The following ATXN1 variants were observed in gnomAD, a reference collection of about 807,000 sequenced individuals.
The protein encoded by ATXN1 is ataxin 1, also known as ataxin-1.
In ATXN1, 8 loss-of-function variants were observed where a neutral mutation model predicts 56.4. The ratio of observed to expected loss-of-function variants is 0.14; its 90% confidence interval spans 0.08 to 0.26. ATXN1 has a LOEUF of 0.26. Among genes scored for constraint, ATXN1 ranks in the 10% least tolerant of loss-of-function variants. The pLI is 1.00. For synonymous variants in ATXN1, 514 were observed against 494.6 expected (o/e 1.04, Z -0.52); for missense variants, 987 against 1,106.5 (o/e 0.89, Z 1.53).
intron 2 of ATXN1, among the ~76,000 whole-genome samples, chr6:16,660,812 A>G (rs1435528011): frequency 6.6e-6 from 1 of 151,594 alleles, no homozygotes; most frequent in Non-Finnish European, 1.5e-5. Context: ...TCAGGGAAAA[A>G]AGAGGTTTAT....
intron 2 of ATXN1, among the ~76,000 whole-genome samples, chr6:16,719,567 A>T (rs1232341688): frequency 1.3e-5 from 2 of 152,256 alleles, no homozygotes; most frequent in South Asian, 4.1e-4. Context: ...AGAGGAAACA[A>T]GAATAAGAAG....
chr6:16,441,307 G>A (rs540390470), intron 6 of ATXN1, among the ~76,000 whole-genome samples: 2 of 152,218 alleles, frequency 1.3e-5, no homozygotes, highest in East Asian at 1.9e-4. Flanking sequence ...CAGAGAAGAC[G>A]AAGCTAAGAA....
At chr6:16,341,171 C>T (rs952151050) in intron 6 of ATXN1, among the ~76,000 whole-genome samples, 14 of 152,296 alleles carry the variant, frequency 9.2e-5, no homozygotes, top group African/African-American at 3.1e-4. Context: ...GACATATTTC[C>T]TCCACAATAC....
rs199595059 is a variant in ATXN1 at position 16,474,862 on chromosome 6, A to ACTCT, written c.-161+11109_-161+11110insAGAG. On this transcript the variant is annotated intron_variant, in intron 6 of 7. Coordinates refer to ENST00000436367, the MANE Select transcript of ATXN1 (RefSeq NM_001128164.2). ...CACACACACACACACACACACACAC[A>ACTCT]CACTCTCTCTCTCTTTCTGTAAATA... 6.5e-3 allele frequency among the ~76,000 whole-genome samples: 897 copies of ACTCT among 138,214 alleles called. 3 individuals carry two copies. The highest frequency in any genetic ancestry group is 0.022 in the African/African-American group (847 of 38,306). 90.7% of individuals were successfully genotyped at this position (138,214 alleles called of 152,430 possible).
chr6:16,454,729 A>G (rs1332947921), intron 6 of ATXN1, among the ~76,000 whole-genome samples: 2 of 152,238 alleles, frequency 1.3e-5, no homozygotes, highest in Non-Finnish European at 2.9e-5. Context: ...CTTTGTAGTC[A>G]GCAGACAAAA....
chr6:16,451,180 A>G (rs902672722), intron 6 of ATXN1, among the ~76,000 whole-genome samples: 1 of 152,230 alleles, frequency 6.6e-6, no homozygotes, highest in Non-Finnish European at 1.5e-5. Flanking sequence ...TGAAAATAGT[A>G]TAACTGGTTG....
At chr6:16,466,158 T>C (rs964692171) in intron 6 of ATXN1, among the ~76,000 whole-genome samples, 13 of 151,378 alleles carry the variant, frequency 8.6e-5, no homozygotes, top group African/African-American at 3.2e-4. Flanking sequence ...CTACTAAAAA[T>C]ACAAAAATTA....
intron 6 of ATXN1, among the ~76,000 whole-genome samples, chr6:16,387,074 C>A (rs9477108): frequency 0.12 from 18,341 of 152,196 alleles, 1,183 homozygotes; most frequent in African/African-American, 0.15. Flanking sequence ...TGACACATAG[C>A]AGATGCTTAG....
chr6:16,640,880 G>A (rs1186530728), intron 3 of ATXN1, among the ~76,000 whole-genome samples: 1 of 152,168 alleles, frequency 6.6e-6, no homozygotes, highest in African/African-American at 2.4e-5. Context: ...TGACTGAAGG[G>A]TTAGCCAAGC....
intron 4 of ATXN1, among the ~76,000 whole-genome samples, chr6:16,523,931 A>G (rs1326462099): frequency 6.6e-6 from 1 of 152,230 alleles, no homozygotes. Context: ...TAATCTCCAG[A>G]GACTATTTTA....
intron 4 of ATXN1, among the ~76,000 whole-genome samples, chr6:16,543,891 GT>G (rs11344034): frequency 0.61 from 92,467 of 152,018 alleles, 31,106 homozygotes; most frequent in African/African-American, 0.89. Context: ...AAGTAACAGG[GT>G]TGTCACTTCG....
chr6:16,439,988 T>C (rs1481920232), intron 6 of ATXN1, among the ~76,000 whole-genome samples: 1 of 150,762 alleles, frequency 6.6e-6, no homozygotes, highest in African/African-American at 2.5e-5. Flanking sequence ...GGCAGGAGAA[T>C]CACTTGAACC....
chr6:16,659,236 A>G (rs1758267718), intron 2 of ATXN1, among the ~76,000 whole-genome samples: 1 of 152,218 alleles, frequency 6.6e-6, no homozygotes, highest in Non-Finnish European at 1.5e-5. Context: ...ATCAGTACCC[A>G]CAGAAAATGG....
At chr6:16,478,434 G>A (rs1169896513) in intron 6 of ATXN1, among the ~76,000 whole-genome samples, 1 of 152,214 alleles carries the variant, frequency 6.6e-6, no homozygotes, top group Non-Finnish European at 1.5e-5. Context: ...AGCCATTGAG[G>A]TTGCCAAACA....
At chr6:16,723,133 A>T (rs1196510927) in intron 2 of ATXN1, among the ~76,000 whole-genome samples, 1 of 152,212 alleles carries the variant, frequency 6.6e-6, no homozygotes, top group Non-Finnish European at 1.5e-5. Context: ...CTAAGGATTA[A>T]AAGTCACTGC....
chr6:16,355,940 C>T (rs1761676785), intron 6 of ATXN1, among the ~76,000 whole-genome samples: 1 of 152,184 alleles, frequency 6.6e-6, no homozygotes, highest in Non-Finnish European at 1.5e-5. Flanking sequence ...CGTCTTGCTC[C>T]AACCACCACT....
At chr6:16,341,983 C>T (rs1300247633) in intron 6 of ATXN1, among the ~76,000 whole-genome samples, 1 of 145,454 alleles carries the variant, frequency 6.9e-6, no homozygotes, top group Non-Finnish European at 1.5e-5. Flanking sequence ...TCAAGTGATT[C>T]TCCTGCCTCA....
At chr6:16,604,101 G>C (rs1231606659) in intron 3 of ATXN1, among the ~76,000 whole-genome samples, 4 of 152,050 alleles carry the variant, frequency 2.6e-5, no homozygotes, top group Non-Finnish European at 4.4e-5. Flanking sequence ...TTCGTAAAGG[G>C]GGGATTCCTC....
chr6:16,674,755 G>C (rs1020306863), intron 2 of ATXN1, among the ~76,000 whole-genome samples: 3 of 152,092 alleles, frequency 2.0e-5, no homozygotes, highest in Non-Finnish European at 2.9e-5. Context: ...AGACCAAAGA[G>C]ATCATTCACT....
Sources: gnomAD v4.1 joint callset for allele counts (sites outside exome capture counted in the v4.1 genomes callset) on GRCh38, gnomAD v4.1.1 for gene constraint, MANE v1.5 for transcripts, NCBI Gene and HGNC (gene_info 2026-07-23, HGNC 2026-07-21) for gene names.